The following PDE4D variants were observed in gnomAD, a reference collection of about 807,000 sequenced individuals.
PDE4D encodes phosphodiesterase 4D.
PDE4D carries 24 observed loss-of-function variants against 87.4 expected under a neutral mutation model. The observed-to-expected ratio is 0.27, with a 90% confidence interval of 0.20 to 0.39. The LOEUF is 0.39. Ranked by LOEUF, PDE4D falls within the 10% of genes least tolerant of loss-of-function variation. The pLI is 1.00. For synonymous variants in PDE4D, 384 were observed against 383.2 expected, an observed-to-expected ratio of 1.00 and a Z score of -0.02; for missense variants, 714 against 1,041.0, an observed-to-expected ratio of 0.69 and a Z score of 4.32.
chr5:60,080,276 T>G (rs1582549510), intron 2 of PDE4D, among the ~76,000 whole-genome samples: 1 of 152,234 alleles, frequency 6.6e-6, no homozygotes, highest in South Asian at 2.1e-4. Flanking sequence ...TAAGAAATTT[T>G]GGGGCTGAGA....
chr5:59,388,617 A>G (rs1158600816), intron 1 of PDE4D, among the ~76,000 whole-genome samples: 1 of 142,614 alleles, frequency 7.0e-6, no homozygotes, highest in Non-Finnish European at 1.5e-5. Context: ...ATGGATAAAG[A>G]AAATGTGGTA....
chr5:60,315,660 A>T (rs925968992), intron 1 of PDE4D, among the ~76,000 whole-genome samples: 223 of 152,232 alleles, frequency 1.5e-3, no homozygotes, highest in African/African-American at 5.0e-3. Flanking sequence ...AATTAATTTT[A>T]GTATAAGGTG....
At chr5:58,990,039 C>T (rs1051229714) in intron 9 of PDE4D, 120 bp from the exon 10 acceptor site, 1 of 631,130 alleles carries the variant, frequency 1.6e-6, no homozygotes, top group Non-Finnish European at 2.8e-6. Context: ...GAAATGGCAA[C>T]TGCACTCTCA....
intron 1 of PDE4D, among the ~76,000 whole-genome samples, chr5:59,825,455 T>C (rs920479906): frequency 6.6e-6 from 1 of 152,082 alleles, no homozygotes; most frequent in African/African-American, 2.4e-5. Context: ...CATAGAGACC[T>C]GGGCATCTAA....
chr5:60,098,890 T>C (rs1455827876), intron 2 of PDE4D, among the ~76,000 whole-genome samples: 3 of 152,032 alleles, frequency 2.0e-5, no homozygotes, highest in East Asian at 3.9e-4. Flanking sequence ...ATGAGTATGA[T>C]GTTAGCTATG....
chr5:60,309,083 T>A (rs1317508482), intron 1 of PDE4D, among the ~76,000 whole-genome samples: 3 of 152,138 alleles, frequency 2.0e-5, no homozygotes, highest in Non-Finnish European at 4.4e-5. Flanking sequence ...TTACTCTGAG[T>A]TCTTGGTGGG....
chr5:59,961,849 A>G (rs138586791), intron 3 of PDE4D, among the ~76,000 whole-genome samples: 3 of 152,324 alleles, frequency 2.0e-5, no homozygotes, highest in Non-Finnish European at 4.4e-5. Context: ...CTCTGCTTGC[A>G]TAAGTACCTG....
intron 1 of PDE4D, among the ~76,000 whole-genome samples, chr5:60,398,044 C>A (rs112170264): frequency 1.3e-5 from 2 of 152,238 alleles, no homozygotes; most frequent in African/African-American, 4.8e-5. Flanking sequence ...TTAGGATAGA[C>A]CATGAATCCA....
chr5:59,954,401 C>A (rs2152806364), intron 3 of PDE4D, among the ~76,000 whole-genome samples: 1 of 152,252 alleles, frequency 6.6e-6, no homozygotes, highest in East Asian at 1.9e-4. Context: ...AGAAGCCAAT[C>A]TTCTATTTCA....
chr5:59,411,204 G>A (rs942235574), intron 1 of PDE4D, among the ~76,000 whole-genome samples: 2 of 152,116 alleles, frequency 1.3e-5, no homozygotes, highest in Non-Finnish European at 2.9e-5. Context: ...ATGGTTTGCT[G>A]GTTTTGCCCT....
intron 11 of PDE4D, among the ~76,000 whole-genome samples, chr5:58,981,902 TGTG>T (rs1745253010): frequency 6.6e-6 from 1 of 152,164 alleles, no homozygotes; most frequent in Non-Finnish European, 1.5e-5. Flanking sequence ...TTACCTTCAT[TGTG>T]GAGTAGTAAC....
At chr5:59,389,835 T>C in intron 1 of PDE4D, among the ~76,000 whole-genome samples, 1 of 152,060 alleles carries the variant, frequency 6.6e-6, no homozygotes, top group Admixed American at 6.6e-5. Context: ...GAATGATGGT[T>C]ACCAGAGGCT....
intron 6 of PDE4D, among the ~76,000 whole-genome samples, chr5:59,013,885 C>A (rs993022056): frequency 1.3e-5 from 2 of 152,132 alleles, no homozygotes; most frequent in East Asian, 1.9e-4. Context: ...AACATCGATG[C>A]AAAAATCCTT....
At chr5:59,354,577 A>C (rs1020144203) in intron 1 of PDE4D, among the ~76,000 whole-genome samples, 2 of 152,172 alleles carry the variant, frequency 1.3e-5, no homozygotes. Flanking sequence ...ATTTTAAGTT[A>C]TATGATATGT....
chr5:59,512,645 A>G (rs1810474470), intron 1 of PDE4D, among the ~76,000 whole-genome samples: 1 of 152,168 alleles, frequency 6.6e-6, no homozygotes, highest in African/African-American at 2.4e-5. Flanking sequence ...ATCTTTATTG[A>G]AGGGTTTAAT....
chr5:58,995,390 A>C (rs187304396), intron 6 of PDE4D, among the ~76,000 whole-genome samples: 2 of 152,242 alleles, frequency 1.3e-5, no homozygotes, highest in East Asian at 3.9e-4. Flanking sequence ...GCTTGTGTTC[A>C]CTCAGCATTA....
chr5:59,097,045 G>A (rs1769863797), intron 5 of PDE4D, among the ~76,000 whole-genome samples: 1 of 152,160 alleles, frequency 6.6e-6, no homozygotes, highest in Non-Finnish European at 1.5e-5. Flanking sequence ...TCAGTGAGGG[G>A]CATTATGTGG....
At chr5:60,242,190 G>A (rs1157332757) in intron 1 of PDE4D, among the ~76,000 whole-genome samples, 2 of 151,922 alleles carry the variant, frequency 1.3e-5, no homozygotes, top group African/African-American at 4.8e-5. Context: ...GCTATACTTA[G>A]ACAAAATAGA....
At chr5:59,792,738 C>G (rs1765957433) in intron 1 of PDE4D, among the ~76,000 whole-genome samples, 1 of 152,188 alleles carries the variant, frequency 6.6e-6, no homozygotes, top group East Asian at 1.9e-4. Flanking sequence ...ATGGGTTTGG[C>G]ATCATGTAAA....
Sources: gnomAD v4.1 joint callset for allele counts (sites outside exome capture counted in the v4.1 genomes callset) on GRCh38, gnomAD v4.1.1 for gene constraint, MANE v1.5 for transcripts, NCBI Gene and HGNC (gene_info 2026-07-23, HGNC 2026-07-21) for gene names.